CEP43: variants seen among roughly 807,000 people sequenced by gnomAD.
The protein encoded by CEP43 is FGFR1 oncogene partner.
In CEP43, 36 loss-of-function variants were observed where a neutral mutation model predicts 52.6. The observed-to-expected ratio is 0.68, with a 90% CI of 0.52 to 0.90. CEP43 has a LOEUF of 0.90. Among genes scored for constraint, CEP43 ranks in the 40% least tolerant of loss-of-function variants. CEP43 has a pLI of 0.00. For missense variants in CEP43, 506 were observed against 472.8 expected, an observed-to-expected ratio of 1.07 and a Z score of -0.65; for synonymous variants, 192 against 172.4, an observed-to-expected ratio of 1.11 and a Z score of -0.89.
chr6:167,003,258 C>A lies in CEP43; in HGVS notation c.211+11C>A. ...TAAATACCAAAGACGGTAAGATGTTCAGTTTGTTCTTGTTTATCTATCTCT... is the reference window on the plus strand; with the variant it reads ...TAAATACCAAAGACGGTAAGATGTTAAGTTTGTTCTTGTTTATCTATCTCT... On this transcript the variant is annotated intron_variant, in intron 3 of 12. Coordinates refer to ENST00000366847, the MANE Select transcript of CEP43 (RefSeq NM_007045.4). 1.4e-6 allele frequency: 2 copies of A among 1,438,054 alleles called. No homozygotes were observed. The highest frequency in any genetic ancestry group is 2.5e-5 in the East Asian group (1 of 40,654). The allele number at this position is 1,438,054 out of a possible 1,614,324, so 89.1% of individuals were successfully genotyped here.
In CEP43 at chr6:167,012,445, C is replaced by G. The variant is rs1583274715; in HGVS notation, c.520-1063C>G. The stretch of plus-strand genomic sequence containing the variant: ...GGTCATGAGTAAATTTTTAAAATTT[C>G]TTTAAATTAATTGCAAATAAAACAG... On this transcript the variant is annotated intron_variant, in intron 6 of 12. Transcript: ENST00000366847. 2.0e-5 allele frequency among the ~76,000 whole-genome samples: 3 copies of G among 151,800 alleles called. No individual in the cohort carries two copies. In the East Asian group the frequency reaches 5.8e-4, roughly 29 times the overall value.
At chr6:167,015,367 C>A (rs1780071601) in intron 7 of CEP43, among the ~76,000 whole-genome samples, 1 of 152,230 alleles carries the variant, frequency 6.6e-6, no homozygotes, top group Non-Finnish European at 1.5e-5. Flanking sequence ...GCCCTTAGCT[C>A]TTTGTTCCCC....
chr6:167,031,196 C>T (rs1048582845), intron 10 of CEP43, among the ~76,000 whole-genome samples: 1 of 152,192 alleles, frequency 6.6e-6, no homozygotes, highest in African/African-American at 2.4e-5. Flanking sequence ...AGCTGGATTA[C>T]AGATGTGCGT....
chr6:167,009,677 A>AT lies in CEP43; in HGVS notation c.439-1136_439-1135insT, dbSNP rs1460029362. 4.6e-4 allele frequency among the ~76,000 whole-genome samples: 69 copies of AT among 150,994 alleles called. 1 individual carries two copies. The highest frequency in any genetic ancestry group is 1.6e-3 in the African/African-American group (68 of 41,224). ...TGAAACTCCGTCTCAAAAAAAAAAA[A>AT]AAAAAAAAGTTAGTTGGGTGCGGTG... On this transcript the variant is annotated intron_variant, in intron 5 of 12. Transcript: ENST00000366847.
chr6:167,030,405 T>A (rs1780442625), intron 10 of CEP43, among the ~76,000 whole-genome samples: 2 of 152,162 alleles, frequency 1.3e-5, no homozygotes. Context: ...GATTTCCACT[T>A]CTCCTTCTCG....
rs1330170045 is a variant in CEP43 at position 167,044,059 on chromosome 6, A to G, written c.*4081A>G. The G allele has an allele frequency of 6.6e-6, 1 of 152,194 alleles. No individual in the cohort carries two copies. The highest frequency in any genetic ancestry group is 1.5e-5 in the Non-Finnish European group (1 of 68,058). The allele number at this position is 152,194 out of a possible 1,614,324, so 9.4% of individuals were successfully genotyped here. On this transcript the variant is annotated 3_prime_UTR_variant, in exon 13 of 13. Coordinates refer to ENST00000366847, the MANE Select transcript of CEP43 (RefSeq NM_007045.4). ...TCCAGCGTGTGAGGACACAGTGAGG[A>G]GGTGTTGCCTATGAGGAAACAGGCC...
At chr6:167,029,690 G>T (rs549723501) in intron 10 of CEP43, among the ~76,000 whole-genome samples, 2 of 152,318 alleles carry the variant, frequency 1.3e-5, no homozygotes, top group African/African-American at 4.8e-5. Context: ...AAATATCTTT[G>T]TCTCATGTGT....
At chr6:167,001,108 A>G (rs538641722) in intron 2 of CEP43, among the ~76,000 whole-genome samples, 4 of 152,290 alleles carry the variant, frequency 2.6e-5, no homozygotes, top group Admixed American at 1.3e-4. Flanking sequence ...CAGGGAAGGT[A>G]GAAGCCATTA....
In CEP43 at chr6:167,046,899, TG is replaced by T; in HGVS notation, c.*6925del. The T allele has an allele frequency of 6.6e-6, 1 of 152,356 alleles. No homozygotes were observed. Among genetic ancestry groups the T allele is most frequent in the African/African-American group, 2.4e-5 (1 of 41,576 alleles). The allele number at this position is 152,356 out of a possible 1,614,324, so 9.4% of individuals were successfully genotyped here. A position where few individuals can be genotyped will look rare whatever the true frequency, so the allele number is the denominator to read the frequency against. Reference sequence around the variant, plus strand: ...CTAGCTTCCAGCAGGCGTTGATTTCTGGGGCACTTTTGATAAACTCCTGGCA... The same window carrying T: ...CTAGCTTCCAGCAGGCGTTGATTTCTGGGCACTTTTGATAAACTCCTGGCA... On this transcript the variant is annotated 3_prime_UTR_variant, in exon 13 of 13. Coordinates refer to ENST00000366847, the MANE Select transcript of CEP43 (RefSeq NM_007045.4).
intron 7 of CEP43, among the ~76,000 whole-genome samples, chr6:167,017,310 T>A (rs1780124684): frequency 6.6e-6 from 1 of 152,182 alleles, no homozygotes; most frequent in African/African-American, 2.4e-5. Context: ...TGATACAAAT[T>A]TTAAAATAAT....
At chr6:167,037,680 A>G (rs1000032773) in intron 12 of CEP43, among the ~76,000 whole-genome samples, 1 of 152,222 alleles carries the variant, frequency 6.6e-6, no homozygotes, top group Non-Finnish European at 1.5e-5. Flanking sequence ...AAATGAGAGG[A>G]TATGTGGGGG....
chr6:167,051,693 TC>T lies in CEP43; in HGVS notation c.*11716del, dbSNP rs1410395917. 1 of 152,270 alleles carries T rather than the reference TC, an allele frequency of 6.6e-6. No homozygotes were observed. Among genetic ancestry groups the T allele is most frequent in the African/African-American group, 2.4e-5 (1 of 41,472 alleles). 9.4% of individuals were successfully genotyped at this position (152,270 alleles called of 1,614,324 possible). The stretch of plus-strand genomic sequence containing the variant: ...GTAATCACTGTAAAATACACTATTA[TC>T]ATTGTAAAATATTCCTTTTTATCTC... On this transcript the variant is annotated 3_prime_UTR_variant, in exon 13 of 13. Coordinates refer to ENST00000366847, the MANE Select transcript of CEP43 (RefSeq NM_007045.4).
chr6:167,011,000 C>CAAT, intron 6 of CEP43, 107 bp downstream of exon 6: 1 of 518,626 alleles, frequency 1.9e-6, no homozygotes, highest in Non-Finnish European at 3.3e-6. Context: ...TTTATATAAA[C>CAAT]ACATGGGCTC....
At position 167,044,347 on chromosome 6, in the gene CEP43, T is replaced by C. The variant is rs1233132365; in HGVS notation, c.*4369T>C. The C allele has an allele frequency of 1.0e-6, 1 of 969,346 alleles. No homozygotes were observed. Among genetic ancestry groups the C allele is most frequent in the East Asian group, 1.1e-4 (1 of 8,734 alleles). The allele number at this position is 969,346 out of a possible 1,614,324, so 60.0% of individuals were successfully genotyped here. The stretch of plus-strand genomic sequence containing the variant: ...ATAATTCAGTAGCAGGGCTGAATAA[T>C]GGGATGACTCAAAATCAGTAAGCTC... On this transcript the variant is annotated 3_prime_UTR_variant, in exon 13 of 13. Coordinates refer to ENST00000366847, the MANE Select transcript of CEP43 (RefSeq NM_007045.4).
chr6:167,034,274 C>G (rs144842243), intron 12 of CEP43, among the ~76,000 whole-genome samples: 28 of 152,186 alleles, frequency 1.8e-4, no homozygotes, highest in Non-Finnish European at 2.9e-4. Flanking sequence ...GAGAATTGAC[C>G]ACCTGGTGCC....
Position 167,040,614 on chromosome 6 carries a change from G to A in CEP43, c.*636G>A, listed in dbSNP as rs973622448. Reference sequence around the variant, plus strand: ...CTTGTTTTAAAGAAATCTAGAAGTGGTTATGAGTTTTAATTCATAGAATTG... The same window carrying A: ...CTTGTTTTAAAGAAATCTAGAAGTGATTATGAGTTTTAATTCATAGAATTG... On this transcript the variant is annotated 3_prime_UTR_variant, in exon 13 of 13. Coordinates refer to ENST00000366847, the MANE Select transcript of CEP43 (RefSeq NM_007045.4). 1 of 1,037,674 alleles carries A rather than the reference G, an allele frequency of 9.6e-7. No individual in the cohort carries two copies. Among genetic ancestry groups the A allele is most frequent in the Non-Finnish European group, 1.2e-6 (1 of 859,574 alleles). The allele number at this position is 1,037,674 out of a possible 1,614,324, so 64.3% of individuals were successfully genotyped here.
intron 5 of CEP43, among the ~76,000 whole-genome samples, chr6:167,007,599 C>T (rs6906923): frequency 0.025 from 3,810 of 152,140 alleles, 168 homozygotes; most frequent in African/African-American, 0.088. Flanking sequence ...TTAGTGTTTT[C>T]TATTACTTTG....
intron 10 of CEP43, among the ~76,000 whole-genome samples, chr6:167,027,018 A>G (rs1033415826): frequency 1.7e-4 from 26 of 152,242 alleles, no homozygotes; most frequent in Admixed American, 2.0e-4. Context: ...AAGTACATGT[A>G]TAAGAGAGAA....
intron 9 of CEP43, 142 bp from the exon 10 acceptor site, chr6:167,026,405 A>C: frequency 1.5e-6 from 1 of 645,318 alleles, no homozygotes; most frequent in South Asian, 1.8e-5. Flanking sequence ...TTCATTAATC[A>C]CAGTTTATTT....
Sources: allele counts gnomAD v4.1 joint callset (sites outside exome capture counted in the v4.1 genomes callset), GRCh38; gene constraint gnomAD v4.1.1; transcripts MANE v1.5; gene names NCBI Gene and HGNC (gene_info 2026-07-23, HGNC 2026-07-21).